Variants in NEBL observed in about 807,000 individuals in gnomAD.
NEBL encodes nebulette, also known as LIM and SH3 protein 2.
In NEBL, 122 loss-of-function variants were observed where a neutral mutation model predicts 140.2. That is an observed-to-expected ratio of 0.87 (90% CI 0.75 to 1.01). NEBL has a LOEUF of 1.01. NEBL is among the 50% of genes least tolerant of loss of function. The pLI, the probability that NEBL is intolerant of heterozygous loss-of-function variation, is 0.00. For synonymous variants in NEBL, 436 were observed against 398.9 expected, an observed-to-expected ratio of 1.09 and a Z score of -1.11; for missense variants, 1,365 against 1,231.3, an observed-to-expected ratio of 1.11 and a Z score of -1.62.
intron 6 of NEBL, among the ~76,000 whole-genome samples, chr10:20,868,989 C>T (rs1351660860): frequency 6.6e-6 from 1 of 152,084 alleles, no homozygotes; most frequent in Admixed American, 6.6e-5. Flanking sequence ...AACTTTGAGG[C>T]TAAGTGTTCA....
At chr10:20,956,468 T>C (rs978765967) in intron 4 of NEBL, among the ~76,000 whole-genome samples, 1 of 152,110 alleles carries the variant, frequency 6.6e-6, no homozygotes, top group African/African-American at 2.4e-5. Context: ...ACAGATAAGG[T>C]CTAGTCCACT....
At chr10:20,849,419 A>G (rs1842289101) in intron 11 of NEBL, among the ~76,000 whole-genome samples, 1 of 152,132 alleles carries the variant, frequency 6.6e-6, no homozygotes. Flanking sequence ...TGAAAACTTC[A>G]TCCCCAACGC....
At chr10:21,199,276 T>C (rs74476601) in intron 3 of NEBL, among the ~76,000 whole-genome samples, 11,489 of 152,050 alleles carry the variant, frequency 0.076, 513 homozygotes, top group Non-Finnish European at 0.1. Context: ...GAAGCCATCC[T>C]CCCACCTCAG....
At chr10:21,154,458 C>A (rs1337256895) in intron 2 of NEBL, among the ~76,000 whole-genome samples, 939 of 117,036 alleles carry the variant, frequency 8.0e-3, no homozygotes, top group Admixed American at 8.6e-3. Flanking sequence ...GACTCTGCTT[C>A]AAAAAAAAAA....
intron 11 of NEBL, among the ~76,000 whole-genome samples, chr10:20,848,554 C>T (rs1425206064): frequency 1.3e-5 from 2 of 152,170 alleles, no homozygotes; most frequent in Non-Finnish European, 2.9e-5. Flanking sequence ...AGCATTCCTG[C>T]CTGAGCTCTG....
intron 13 of NEBL, among the ~76,000 whole-genome samples, chr10:20,838,517 T>C (rs968977802): frequency 2.6e-5 from 4 of 152,202 alleles, no homozygotes; most frequent in Non-Finnish European, 4.4e-5. Context: ...GTGATCATTA[T>C]TGAAATAACA....
At chr10:21,274,570 A>C (rs1012237071) in intron 1 of NEBL, among the ~76,000 whole-genome samples, 5 of 151,900 alleles carry the variant, frequency 3.3e-5, no homozygotes, top group Non-Finnish European at 5.9e-5. Context: ...GGATTACATG[A>C]ATGCACCTCC....
chr10:21,191,434 C>T (rs1234459473), intron 3 of NEBL, among the ~76,000 whole-genome samples: 1 of 152,214 alleles, frequency 6.6e-6, no homozygotes, highest in East Asian at 1.9e-4. Flanking sequence ...GTTGAATTCT[C>T]ACCCACCGTT....
At chr10:20,890,309 C>T (rs1254596505) in intron 2 of NEBL, among the ~76,000 whole-genome samples, 1 of 152,194 alleles carries the variant, frequency 6.6e-6, no homozygotes, top group Non-Finnish European at 1.5e-5. Context: ...AGCCTTGACA[C>T]ATAAGCCTTT....
exon 4 of NEBL, chr10:20,961,683 G>C: frequency 1.9e-6 from 3 of 1,610,122 alleles, no homozygotes; most frequent in Non-Finnish European, 8.5e-7. Flanking sequence ...TTACTGATTT[G>C]CTCCTGAGTC....
chr10:20,838,430 T>G (rs1841102432), intron 13 of NEBL, among the ~76,000 whole-genome samples: 1 of 152,154 alleles, frequency 6.6e-6, no homozygotes, highest in African/African-American at 2.4e-5. Flanking sequence ...ATAATCAAAC[T>G]TGAATGGATA....
chr10:21,256,891 T>C (rs1219958982), intron 1 of NEBL, among the ~76,000 whole-genome samples: 1 of 152,254 alleles, frequency 6.6e-6, no homozygotes, highest in Non-Finnish European at 1.5e-5. Context: ...TTTCTACATT[T>C]GACTGCTATC....
chr10:21,166,695 C>G (rs772761886), intron 2 of NEBL, among the ~76,000 whole-genome samples: 1 of 152,202 alleles, frequency 6.6e-6, no homozygotes, highest in African/African-American at 2.4e-5. Context: ...GAAACTGATG[C>G]TTGGCAATCG....
At chr10:21,037,365 A>G (rs1834056553) in intron 2 of NEBL, among the ~76,000 whole-genome samples, 1 of 152,204 alleles carries the variant, frequency 6.6e-6, no homozygotes, top group Non-Finnish European at 1.5e-5. Flanking sequence ...AAACCATTCA[A>G]GAGGATATGA....
intron 2 of NEBL, among the ~76,000 whole-genome samples, chr10:21,142,438 A>G (rs1839673511): frequency 6.6e-6 from 1 of 152,156 alleles, no homozygotes; most frequent in Admixed American, 6.5e-5. Flanking sequence ...TTCAGGGTGT[A>G]TAAGAGAATA....
At chr10:21,043,992 T>C (rs1233210947) in intron 2 of NEBL, among the ~76,000 whole-genome samples, 1 of 152,120 alleles carries the variant, frequency 6.6e-6, no homozygotes, top group East Asian at 1.9e-4. Flanking sequence ...TACAGATTCG[T>C]CTAAAAACAG....
chr10:21,002,967 G>A (rs537397411), intron 3 of NEBL, among the ~76,000 whole-genome samples: 2 of 148,808 alleles, frequency 1.3e-5, no homozygotes, highest in South Asian at 4.3e-4. Flanking sequence ...CCATCATGAT[G>A]GGTTTAATAA....
At chr10:21,161,036 G>A (rs899089494) in intron 2 of NEBL, among the ~76,000 whole-genome samples, 5 of 151,988 alleles carry the variant, frequency 3.3e-5, no homozygotes, top group African/African-American at 9.7e-5. Flanking sequence ...TCAGTGACCC[G>A]TAATCCAGCT....
At chr10:20,974,260 T>TTTTTTTC in intron 3 of NEBL, among the ~76,000 whole-genome samples, 1 of 151,598 alleles carries the variant, frequency 6.6e-6, no homozygotes, top group South Asian at 2.1e-4. Context: ...TTCTTTTTTT[T>TTTTTTTC]TTTTTTTCTT....
Sources: gnomAD v4.1 joint callset for allele counts (sites outside exome capture counted in the v4.1 genomes callset) on GRCh38, gnomAD v4.1.1 for gene constraint, MANE v1.5 for transcripts, NCBI Gene and HGNC (gene_info 2026-07-23, HGNC 2026-07-21) for gene names.